PGAP1: variants seen among roughly 807,000 people sequenced by gnomAD.
PGAP1 encodes post-GPI attachment to proteins inositol deacylase 1.
Under a neutral mutation model 127.0 loss-of-function variants are expected in PGAP1, and 76 were observed. That is an observed-to-expected ratio of 0.60 (90% CI 0.50 to 0.72). The LOEUF is 0.72. Among genes scored for constraint, PGAP1 ranks in the 30% least tolerant of loss-of-function variants. PGAP1 has a pLI of 0.00. For missense variants in PGAP1, 982 were observed against 1,071.3 expected (o/e 0.92, Z 1.16); for synonymous variants, 362 against 366.5 (o/e 0.99, Z 0.14).
intron 5 of PGAP1, among the ~76,000 whole-genome samples, chr2:196,901,736 G>C (rs531784738): frequency 1.3e-5 from 2 of 151,972 alleles, no homozygotes; most frequent in Non-Finnish European, 2.9e-5. Flanking sequence ...AATTAATCAG[G>C]TTCTACTTAT....
At chr2:196,921,805 A>C (rs927872734) in intron 1 of PGAP1, among the ~76,000 whole-genome samples, 1 of 152,170 alleles carries the variant, frequency 6.6e-6, no homozygotes, top group Non-Finnish European at 1.5e-5. Flanking sequence ...ATGGGCAAAT[A>C]AGTTAGAACA....
chr2:196,905,652 C>A (rs1189544528), intron 4 of PGAP1, among the ~76,000 whole-genome samples: 1 of 151,858 alleles, frequency 6.6e-6, no homozygotes, highest in African/African-American at 2.4e-5. Context: ...GTGAGCGACG[C>A]AGAAGACGGG....
chr2:196,890,609 G>A (rs958540674), intron 10 of PGAP1, among the ~76,000 whole-genome samples: 1 of 152,118 alleles, frequency 6.6e-6, no homozygotes, highest in East Asian at 1.9e-4. Flanking sequence ...CAGGGTGGGA[G>A]ACCTAAACTA....
At chr2:196,897,106 TA>T in intron 7 of PGAP1, 24 bp downstream of exon 7, 1 of 1,317,902 alleles carries the variant, frequency 7.6e-7, no homozygotes, top group Non-Finnish European at 1.1e-6. Flanking sequence ...TTCATTTAAA[TA>T]ATTTTTAGTT....
In PGAP1 at chr2:196,891,004, T is replaced by C. The variant is rs895105861; in HGVS notation, c.1090-93A>G. 248 of 650,094 alleles carry C rather than the reference T, an allele frequency of 3.8e-4. 1 individual carries two copies. The highest frequency in any genetic ancestry group is 5.7e-4 in the Non-Finnish European group (205 of 361,048). The allele number at this position is 650,094 out of a possible 1,614,324, so 40.3% of individuals were successfully genotyped here. A position where few individuals can be genotyped will look rare whatever the true frequency, so the allele number is the denominator to read the frequency against. ...AGATATAGCAAATGAGTAATTATTC[T>C]AATTCTATCATTCTTCTTGTTGTTG... is the stretch of plus-strand genomic sequence containing the variant. On this transcript the variant is annotated intron_variant, in intron 9 of 26. Coordinates refer to ENST00000354764, the MANE Select transcript of PGAP1 (RefSeq NM_024989.4).
chr2:196,878,451 A>G (rs1477546727), intron 13 of PGAP1, among the ~76,000 whole-genome samples: 1 of 152,186 alleles, frequency 6.6e-6, no homozygotes, highest in Non-Finnish European at 1.5e-5. Context: ...AAAGTTTTAG[A>G]TGGCGCGTCC....
At chr2:196,883,935 A>G (rs2125810669) in intron 12 of PGAP1, among the ~76,000 whole-genome samples, 2 of 152,302 alleles carry the variant, frequency 1.3e-5, no homozygotes, top group African/African-American at 4.8e-5. Context: ...CTCTTTCAGC[A>G]TTTGCCATGA....
chr2:196,898,435 T>A, intron 5 of PGAP1, 66 bp from the exon 6 acceptor site: 1 of 1,080,866 alleles, frequency 9.3e-7, no homozygotes, highest in Non-Finnish European at 1.4e-6. Context: ...GGTATGAAAT[T>A]CTTACAAGCT....
At chr2:196,896,262 C>G (rs938257515) in intron 7 of PGAP1, among the ~76,000 whole-genome samples, 6 of 152,106 alleles carry the variant, frequency 3.9e-5, no homozygotes, top group Non-Finnish European at 1.5e-5. Flanking sequence ...TATAAAAGTA[C>G]ATAATTTAAG....
chr2:196,850,376 G>C (rs1005413805), intron 20 of PGAP1, among the ~76,000 whole-genome samples: 1 of 152,142 alleles, frequency 6.6e-6, no homozygotes, highest in African/African-American at 2.4e-5. Flanking sequence ...TGTGTGCTTG[G>C]CACTATCTTA....
chr2:196,865,183 G>C (rs559737586), intron 19 of PGAP1, 103 bp from the exon 20 acceptor site: 3 of 603,892 alleles, frequency 5.0e-6, no homozygotes, highest in Admixed American at 7.6e-5. Flanking sequence ...ACCTGACATG[G>C]CTACAAAGAT....
chr2:196,839,898 T>C lies in PGAP1; in HGVS notation c.*1336A>G, dbSNP rs1018929285. On this transcript the variant is annotated 3_prime_UTR_variant, in exon 27 of 27. Transcript: ENST00000354764. The stretch of plus-strand genomic sequence containing the variant: ...CTGGAAATTTACATGAGAGGCTTTG[T>C]GGAATCACTAAAACTTTAGTTGAGA... 2 of 152,220 alleles carry C rather than the reference T, an allele frequency of 1.3e-5. No individual in the cohort carries two copies. The highest frequency in any genetic ancestry group is 4.8e-5 in the African/African-American group (2 of 41,460). The allele number at this position is 152,220 out of a possible 1,614,324, so 9.4% of individuals were successfully genotyped here.
At chr2:196,898,497 T>G (rs1187345268) in intron 5 of PGAP1, 128 bp from the exon 6 acceptor site, 6 of 556,570 alleles carry the variant, frequency 1.1e-5, no homozygotes, top group African/African-American at 3.9e-5. Context: ...GCCTAGACAT[T>G]TTTAAATGAT....
intron 22 of PGAP1, 92 bp from the exon 23 acceptor site, chr2:196,846,109 T>C (rs958296615): frequency 1.4e-5 from 10 of 699,020 alleles, no homozygotes; most frequent in Non-Finnish European, 2.1e-5. Context: ...CCTCCCAGTC[T>C]CTCTTGCTTA....
chr2:196,916,730 T>C (rs1322776967), intron 2 of PGAP1, 137 bp from the exon 3 acceptor site: 8 of 789,084 alleles, frequency 1.0e-5, no homozygotes, highest in Non-Finnish European at 1.8e-6. Context: ...AATTCATTAA[T>C]AGCACCAATT....
At chr2:196,897,907 G>T (rs1702340572) in intron 6 of PGAP1, among the ~76,000 whole-genome samples, 1 of 152,152 alleles carries the variant, frequency 6.6e-6, no homozygotes, top group South Asian at 2.1e-4. Flanking sequence ...CTTATTTATA[G>T]ATGAAGTTCT....
intron 20 of PGAP1, among the ~76,000 whole-genome samples, chr2:196,854,194 C>T (rs931201198): frequency 5.3e-5 from 8 of 151,850 alleles, no homozygotes; most frequent in African/African-American, 1.5e-4. Context: ...ACCACACACC[C>T]GGCCGAAAAT....
chr2:196,855,283 G>A (rs1009094117), intron 20 of PGAP1, among the ~76,000 whole-genome samples: 2 of 137,604 alleles, frequency 1.5e-5, no homozygotes, highest in African/African-American at 5.7e-5. Context: ...CCTAGATCGA[G>A]CCACTGCACT....
Position 196,880,072 on chromosome 2 carries a change from T to C in PGAP1, c.1350+4A>G. ...TCTAATAACAATCTTAACCCACTTG[T>C]TACCTTACTTCCACGAACAGATGGT... On this transcript the variant is annotated splice_donor_region_variant and intron_variant, in intron 13 of 26. Transcript: ENST00000354764. 6.3e-7 allele frequency: 1 copy of C among 1,593,946 alleles called. No homozygotes were observed. Among genetic ancestry groups the C allele is most frequent in the Non-Finnish European group, 8.6e-7 (1 of 1,163,656 alleles).
Sources: gnomAD v4.1 joint callset for allele counts (sites outside exome capture counted in the v4.1 genomes callset) on GRCh38, gnomAD v4.1.1 for gene constraint, MANE v1.5 for transcripts, NCBI Gene and HGNC (gene_info 2026-07-23, HGNC 2026-07-21) for gene names.